The following TXNDC16 variants were observed in gnomAD, a reference collection of about 807,000 sequenced individuals.
TXNDC16 encodes thioredoxin domain-containing protein 16.
Under a neutral mutation model 85.6 loss-of-function variants are expected in TXNDC16, and 74 were observed. That is an observed-to-expected ratio of 0.86 (90% CI 0.72 to 1.05). The LOEUF (loss-of-function observed/expected upper bound fraction) is 1.05. Among genes scored for constraint, TXNDC16 ranks in the 50% least tolerant of loss-of-function variants. The probability of loss-of-function intolerance (pLI) is 0.00; values close to 1 mark genes in which losing one functional copy is unlikely to be tolerated. For synonymous variants in TXNDC16, 335 were observed against 326.5 expected, an observed-to-expected ratio of 1.03 and a Z score of -0.28; for missense variants, 959 against 947.0, an observed-to-expected ratio of 1.01 and a Z score of -0.17.
chr14:52,508,878 G>A (rs1422450952), intron 9 of TXNDC16, among the ~76,000 whole-genome samples: 1 of 152,098 alleles, frequency 6.6e-6, no homozygotes, highest in African/African-American at 2.4e-5. Context: ...ACACAAGAAG[G>A]GGAACATCAC....
chr14:52,504,102 C>A (rs1386734600), intron 9 of TXNDC16, among the ~76,000 whole-genome samples: 1 of 152,166 alleles, frequency 6.6e-6, no homozygotes, highest in Non-Finnish European at 1.5e-5. Context: ...GACTGGTATA[C>A]CTGAAAGTGA....
intron 16 of TXNDC16, among the ~76,000 whole-genome samples, chr14:52,466,112 G>A (rs375369800): frequency 1.7e-3 from 259 of 151,476 alleles, no homozygotes; most frequent in African/African-American, 6.1e-3. Context: ...ATTTTATTAC[G>A]TATGATGCAA....
intron 1 of TXNDC16, among the ~76,000 whole-genome samples, chr14:52,550,942 T>G (rs532128377): frequency 8.5e-5 from 13 of 152,302 alleles, no homozygotes; most frequent in African/African-American, 2.9e-4. Context: ...GATGAACTTC[T>G]TAGGTTCCAA....
At chr14:52,531,871 A>G (rs2037589494) in intron 6 of TXNDC16, among the ~76,000 whole-genome samples, 1 of 152,194 alleles carries the variant, frequency 6.6e-6, no homozygotes, top group Non-Finnish European at 1.5e-5. Context: ...CAAAATGTTA[A>G]TAATAGGGAA....
chr14:52,533,153 C>T (rs2037621769), intron 6 of TXNDC16, among the ~76,000 whole-genome samples: 1 of 152,096 alleles, frequency 6.6e-6, no homozygotes, highest in Non-Finnish European at 1.5e-5. Flanking sequence ...GGCTCAAACT[C>T]CTATAGATGC....
chr14:52,451,465 C>G (rs2035410867), intron 18 of TXNDC16, among the ~76,000 whole-genome samples: 2 of 151,782 alleles, frequency 1.3e-5, no homozygotes, highest in African/African-American at 4.8e-5. Context: ...ATTAGCAAAC[C>G]AATTCAACAA....
chr14:52,537,829 T>C (rs2037738616), intron 4 of TXNDC16, among the ~76,000 whole-genome samples, 157 bp from the exon 5 acceptor site: 1 of 152,216 alleles, frequency 6.6e-6, no homozygotes, highest in South Asian at 2.1e-4. Flanking sequence ...TGTTCACATA[T>C]TCAAGTGCAT....
intron 4 of TXNDC16, among the ~76,000 whole-genome samples, chr14:52,538,628 T>A (rs1030304580): frequency 6.6e-6 from 1 of 151,842 alleles, no homozygotes; most frequent in African/African-American, 2.4e-5. Flanking sequence ...CAGATTGAGA[T>A]AGAGGAAGAG....
intron 6 of TXNDC16, among the ~76,000 whole-genome samples, chr14:52,530,378 TTA>T (rs1281303074): frequency 5.2e-5 from 1 of 19,272 alleles, no homozygotes; most frequent in Non-Finnish European, 7.9e-5. Context: ...TTATATAATA[TTA>T]TATATAATAT....
At chr14:52,524,638 C>G (rs938618532) in intron 6 of TXNDC16, among the ~76,000 whole-genome samples, 2 of 152,110 alleles carry the variant, frequency 1.3e-5, no homozygotes, top group Non-Finnish European at 2.9e-5. Context: ...ACAACAGGCA[C>G]ACATCACCAT....
intron 6 of TXNDC16, among the ~76,000 whole-genome samples, chr14:52,530,357 A>AT (rs2037496229): frequency 2.2e-5 from 1 of 46,338 alleles, no homozygotes; most frequent in African/African-American, 9.6e-5. Context: ...ATTATAATAT[A>AT]ATATATATTA....
chr14:52,547,637 T>C (rs1461045773), intron 1 of TXNDC16, among the ~76,000 whole-genome samples: 5 of 152,142 alleles, frequency 3.3e-5, no homozygotes, highest in African/African-American at 9.7e-5. Context: ...GAGTCTGGTG[T>C]GTGTTTTCCA....
Position 52,530,269 on chromosome 14 carries a change from T to TAATATA in TXNDC16, c.392+6449_392+6450insTATATT, listed in dbSNP as rs1178479076. On this transcript the variant is annotated intron_variant, in intron 6 of 20. Coordinates refer to ENST00000281741, the MANE Select transcript of TXNDC16 (RefSeq NM_020784.3). ...TATAATATATATTATATAATATATA[T>TAATATA]TATTATTTAATATATAATTATTATA... is the stretch of plus-strand genomic sequence containing the variant. Among the ~76,000 whole-genome samples the TAATATA allele has an allele frequency of 1.1e-4, 6 of 56,786 alleles. No homozygotes were observed. In the Admixed American group the frequency reaches 1.4e-3, roughly 14 times the overall value. 37.3% of individuals were successfully genotyped at this position (56,786 alleles called of 152,430 possible).
intron 14 of TXNDC16, among the ~76,000 whole-genome samples, chr14:52,480,944 GGTGT>G (rs146675184): frequency 0.022 from 3,066 of 139,574 alleles, 46 homozygotes; most frequent in African/African-American, 0.044. Context: ...AAGACACTGT[GGTGT>G]GTGTGTGTGT....
At chr14:52,509,471 G>A (rs990851049) in intron 9 of TXNDC16, among the ~76,000 whole-genome samples, 2 of 145,168 alleles carry the variant, frequency 1.4e-5, no homozygotes, top group Non-Finnish European at 3.0e-5. Context: ...TGAAAGGAAC[G>A]AAAGACCTTT....
At chr14:52,522,234 C>T (rs2037227064) in intron 6 of TXNDC16, among the ~76,000 whole-genome samples, 1 of 152,120 alleles carries the variant, frequency 6.6e-6, no homozygotes, top group African/African-American at 2.4e-5. Context: ...GAGTATACAA[C>T]CCTCCCCAAC....
At chr14:52,506,211 C>G (rs1166704166) in intron 9 of TXNDC16, among the ~76,000 whole-genome samples, 1 of 152,156 alleles carries the variant, frequency 6.6e-6, no homozygotes, top group Non-Finnish European at 1.5e-5. Context: ...GGAATCCTCC[C>G]TAACTCATTT....
intron 1 of TXNDC16, among the ~76,000 whole-genome samples, chr14:52,549,775 C>T (rs543023279): frequency 6.6e-6 from 1 of 151,964 alleles, no homozygotes; most frequent in Non-Finnish European, 1.5e-5. Context: ...GTAGCTAGGA[C>T]TACAGGCGCC....
chr14:52,539,304 C>T (rs1004815014), intron 4 of TXNDC16, among the ~76,000 whole-genome samples: 2 of 152,236 alleles, frequency 1.3e-5, no homozygotes, highest in African/African-American at 2.4e-5. Flanking sequence ...TAAAAGTATA[C>T]AAATAAGTAT....
Sources: allele counts gnomAD v4.1 joint callset (sites outside exome capture counted in the v4.1 genomes callset), GRCh38; gene constraint gnomAD v4.1.1; transcripts MANE v1.5; gene names NCBI Gene and HGNC (gene_info 2026-07-23, HGNC 2026-07-21).